DLG1: variants seen among roughly 807,000 people sequenced by gnomAD.
DLG1 encodes discs large MAGUK scaffold protein 1, also known as disks large homolog 1.
In DLG1, 42 loss-of-function variants were observed where a neutral mutation model predicts 123.4. That is an observed-to-expected ratio of 0.34 (90% confidence interval 0.27 to 0.44). The LOEUF is 0.44. Ranked by LOEUF, DLG1 falls within the 20% of genes least tolerant of loss-of-function variation. DLG1 has a pLI of 1.00. For synonymous variants in DLG1, 317 were observed against 356.2 expected (o/e 0.89, Z 1.24); for missense variants, 942 against 1,082.6 (o/e 0.87, Z 1.82).
chr3:197,071,129 TAA>T (rs972879867), intron 18 of DLG1: 7 of 152,106 alleles, frequency 4.6e-5, no homozygotes, highest in African/African-American at 1.4e-4. Flanking sequence ...CACGCCACAT[TAA>T]AAAAAGAGTT....
chr3:197,122,454 G>GC (rs1444952536), intron 11 of DLG1, among the ~76,000 whole-genome samples: 1 of 151,928 alleles, frequency 6.6e-6, no homozygotes, highest in Non-Finnish European at 1.5e-5. Flanking sequence ...TCTTACCAAT[G>GC]CATCAGACAA....
At chr3:197,046,504 C>A (rs1411697081) in intron 24 of DLG1, among the ~76,000 whole-genome samples, 1 of 152,140 alleles carries the variant, frequency 6.6e-6, no homozygotes, top group African/African-American at 2.4e-5. Flanking sequence ...ATTCCTGCCC[C>A]AAATGCAGAA....
intron 4 of DLG1, among the ~76,000 whole-genome samples, chr3:197,268,881 T>C (rs1469311227): frequency 6.7e-6 from 1 of 149,106 alleles, no homozygotes; most frequent in Non-Finnish European, 1.5e-5. Context: ...AACACACACT[T>C]TTAAATACTG....
chr3:197,058,095 C>A (rs984165709), intron 23 of DLG1, among the ~76,000 whole-genome samples: 2 of 152,012 alleles, frequency 1.3e-5, no homozygotes, highest in African/African-American at 4.8e-5. Flanking sequence ...CCCCCCATCT[C>A]AGCATCCCAA....
chr3:197,210,445 G>C (rs1730756161), intron 4 of DLG1, among the ~76,000 whole-genome samples: 1 of 143,052 alleles, frequency 7.0e-6, no homozygotes, highest in South Asian at 2.6e-4. Flanking sequence ...ATGCAAGAGA[G>C]GTTATCACTG....
rs1560878324 is a variant in DLG1, at chr3:197,127,476, AT to A, written c.1165+3050del. ...AAAAAAAATATATATATATATATAT[AT>A]ATATATATATATATATATAAAGTAA... On this transcript the variant is annotated intron_variant, in intron 11 of 24. Transcript: ENST00000667157. Among the ~76,000 whole-genome samples the A allele has an allele frequency of 2.8e-3, 327 of 114,824 alleles. 6 individuals are homozygous for A. Among genetic ancestry groups the A allele is most frequent in the South Asian group, 4.7e-3 (17 of 3,586 alleles). The allele number at this position is 114,824 out of a possible 152,430, so 75.3% of individuals were successfully genotyped here. A position where few individuals can be genotyped will look rare whatever the true frequency, so the allele number is the denominator to read the frequency against.
At chr3:197,116,921 A>C (rs1773602464) in intron 12 of DLG1, among the ~76,000 whole-genome samples, 2 of 152,158 alleles carry the variant, frequency 1.3e-5, no homozygotes, top group Admixed American at 1.3e-4. Context: ...CCTAAATTAG[A>C]TGGTGAATTC....
intron 17 of DLG1, 84 bp downstream of exon 17, chr3:197,080,967 A>G (rs974830922): frequency 7.7e-7 from 1 of 1,304,328 alleles, no homozygotes; most frequent in Non-Finnish European, 1.1e-6. Flanking sequence ...CTGATCATGA[A>G]TAATTCTGAT....
At chr3:197,148,854 G>A (rs922125242) in intron 6 of DLG1, among the ~76,000 whole-genome samples, 21 of 152,048 alleles carry the variant, frequency 1.4e-4, no homozygotes, top group Non-Finnish European at 2.6e-4. Context: ...CGAAATTGCG[G>A]CATTTTCTAA....
At chr3:197,243,151 A>C (rs1749829846) in intron 4 of DLG1, among the ~76,000 whole-genome samples, 1 of 152,170 alleles carries the variant, frequency 6.6e-6, no homozygotes, top group Non-Finnish European at 1.5e-5. Flanking sequence ...CCAGTTAATT[A>C]GGGTAGGACC....
intron 17 of DLG1, among the ~76,000 whole-genome samples, chr3:197,077,404 T>C (rs1157110150): frequency 1.3e-5 from 2 of 152,006 alleles, no homozygotes; most frequent in African/African-American, 4.8e-5. Flanking sequence ...GTCAGAAGTC[T>C]CCTGACCAAC....
At chr3:197,120,976 C>T (rs886655762) in intron 11 of DLG1, among the ~76,000 whole-genome samples, 4 of 152,142 alleles carry the variant, frequency 2.6e-5, no homozygotes, top group African/African-American at 2.4e-5. Context: ...TAGATACCCA[C>T]GTGAACCTCT....
rs1788655139 is a variant in DLG1 at position 197,142,711 on chromosome 3, T to C, written c.588+7A>G. On this transcript the variant is annotated splice_region_variant and intron_variant, in intron 7 of 24. Transcript: ENST00000667157. ...CTAGAACAACAGATTAAGATAATAG[T>C]TTTTACCCTTTCAAGTGTGATTTCT... 1.9e-6 allele frequency: 3 copies of C among 1,598,022 alleles called. No individual in the cohort carries two copies. The highest frequency in any genetic ancestry group is 2.6e-6 in the Non-Finnish European group (3 of 1,170,066).
At chr3:197,180,727 A>C (rs1269851298) in intron 5 of DLG1, among the ~76,000 whole-genome samples, 2 of 152,080 alleles carry the variant, frequency 1.3e-5, no homozygotes, top group Non-Finnish European at 2.9e-5. Flanking sequence ...GGAGGATAGT[A>C]TGAAGAATGG....
chr3:197,251,833 AATC>A (rs1457825232), intron 4 of DLG1, among the ~76,000 whole-genome samples: 6 of 152,218 alleles, frequency 3.9e-5, no homozygotes, highest in Non-Finnish European at 5.9e-5. Flanking sequence ...AAAAACAAAT[AATC>A]ATATTTTAAA....
chr3:197,260,637 T>C (rs1459365562), intron 4 of DLG1, among the ~76,000 whole-genome samples: 2 of 151,400 alleles, frequency 1.3e-5, no homozygotes, highest in Admixed American at 6.6e-5. Context: ...TTTCAAGATA[T>C]GAGGTTGACA....
intron 4 of DLG1, among the ~76,000 whole-genome samples, chr3:197,255,552 C>A (rs1756449190): frequency 6.6e-6 from 1 of 152,052 alleles, no homozygotes; most frequent in Non-Finnish European, 1.5e-5. Flanking sequence ...GATATGTACA[C>A]AAAAGGACTT....
intron 5 of DLG1, among the ~76,000 whole-genome samples, chr3:197,181,330 T>TA (rs1711694079): frequency 2.0e-5 from 3 of 152,196 alleles, no homozygotes; most frequent in Admixed American, 1.3e-4. Context: ...TGTCAAATCT[T>TA]AGAGTATTTT....
intron 16 of DLG1, chr3:197,085,280 T>TA: frequency 2.7e-6 from 1 of 368,356 alleles, no homozygotes. Context: ...CTATTACCTG[T>TA]AGTTGCCATG....
Sources: gnomAD v4.1 joint callset for allele counts (sites outside exome capture counted in the v4.1 genomes callset) on GRCh38, gnomAD v4.1.1 for gene constraint, MANE v1.5 for transcripts, NCBI Gene and HGNC (gene_info 2026-07-23, HGNC 2026-07-21) for gene names.